GAB2: variants seen among roughly 807,000 people sequenced by gnomAD.
GAB2 encodes the protein GRB2-associated-binding protein 2.
A neutral mutation model predicts 65.5 loss-of-function variants in GAB2; 26 were observed. That is an observed-to-expected ratio of 0.40 (90% CI 0.29 to 0.55). GAB2 has a LOEUF of 0.55. Among genes scored for constraint, GAB2 ranks in the 20% least tolerant of loss-of-function variants. GAB2 has a pLI of 0.53. For missense variants in GAB2, 884 were observed against 875.8 expected, an observed-to-expected ratio of 1.01 and a Z score of -0.12; for synonymous variants, 321 against 329.6, an observed-to-expected ratio of 0.97 and a Z score of 0.28.
intron 1 of GAB2, among the ~76,000 whole-genome samples, chr11:78,357,118 A>C (rs758086999): frequency 1.7e-4 from 26 of 152,204 alleles, no homozygotes; most frequent in Non-Finnish European, 3.2e-4. Flanking sequence ...ATTTAATGCC[A>C]CTGAATTGTT....
chr11:78,358,472 A>AATAATT (rs1160936998), intron 1 of GAB2, among the ~76,000 whole-genome samples: 1 of 142,930 alleles, frequency 7.0e-6, no homozygotes, highest in Non-Finnish European at 1.5e-5. Flanking sequence ...TAATAATAAT[A>AATAATT]ATAAAGTGAC....
chr11:78,372,112 C>T (rs1402247388), intron 1 of GAB2, among the ~76,000 whole-genome samples: 2 of 152,188 alleles, frequency 1.3e-5, no homozygotes, highest in Non-Finnish European at 2.9e-5. Context: ...TAAAAGGTAT[C>T]TGCTTTTTTT....
intron 1 of GAB2, among the ~76,000 whole-genome samples, chr11:78,375,415 T>C (rs1420372069): frequency 2.6e-5 from 4 of 152,184 alleles, no homozygotes; most frequent in African/African-American, 7.2e-5. Flanking sequence ...CTCTTCCTGA[T>C]ATAAAATGTC....
At position 78,222,304 on chromosome 11, in the gene GAB2, C is replaced by T. The variant is rs955624823; in HGVS notation, c.1568-109G>A. ...TTTATAAAGGCCTGCAAAGTCATTCCAGTTTCACACAGGGAAACTGACGCT... is the reference window on the plus strand; with the variant it reads ...TTTATAAAGGCCTGCAAAGTCATTCTAGTTTCACACAGGGAAACTGACGCT... On this transcript the variant is annotated intron_variant, in intron 6 of 9. Coordinates refer to ENST00000361507, the MANE Select transcript of GAB2 (RefSeq NM_080491.3). The T allele has an allele frequency of 3.4e-5, 24 of 716,324 alleles. No individual in the cohort carries two copies. The Admixed American group carries it at 3.7e-4, about 11-fold the overall frequency. The allele number at this position is 716,324 out of a possible 1,614,324, so 44.4% of individuals were successfully genotyped here. A position where few individuals can be genotyped will look rare whatever the true frequency, so the allele number is the denominator to read the frequency against.
At chr11:78,312,217 G>T (rs1462262533) in intron 1 of GAB2, among the ~76,000 whole-genome samples, 4 of 150,578 alleles carry the variant, frequency 2.7e-5, no homozygotes, top group Non-Finnish European at 5.9e-5. Context: ...TTTCCCTACA[G>T]TTCTTCAATA....
rs1021404174 is a variant in GAB2 at position 78,409,747 on chromosome 11, T to G, written c.75+7899A>C. ...AATCAGCAAGGATATAAAAGAATTATATATATCACTATCAATCAAAAAGAT... is the reference window on the plus strand; with the variant it reads ...AATCAGCAAGGATATAAAAGAATTAGATATATCACTATCAATCAAAAAGAT... On this transcript the variant is annotated intron_variant, in intron 1 of 9. Transcript: ENST00000361507. Among the ~76,000 whole-genome samples the G allele has an allele frequency of 1.3e-5, 2 of 152,292 alleles. 1 individual carries two copies. Among genetic ancestry groups the G allele is most frequent in the South Asian group, 4.1e-4 (2 of 4,832 alleles).
intron 2 of GAB2, among the ~76,000 whole-genome samples, chr11:78,262,974 C>G (rs1032163920): frequency 1.3e-5 from 2 of 152,230 alleles, no homozygotes; most frequent in Non-Finnish European, 2.9e-5. Flanking sequence ...TATACTACAA[C>G]AGCAAAGCTG....
chr11:78,366,104 T>C (rs1034132083), intron 1 of GAB2, among the ~76,000 whole-genome samples: 1 of 152,168 alleles, frequency 6.6e-6, no homozygotes, highest in African/African-American at 2.4e-5. Flanking sequence ...CTAATACAAC[T>C]CCTAACACAA....
intron 1 of GAB2, among the ~76,000 whole-genome samples, chr11:78,304,602 A>T (rs1482051324): frequency 6.6e-6 from 1 of 152,206 alleles, no homozygotes; most frequent in Admixed American, 6.5e-5. Context: ...GTGCTTTTCA[A>T]CCAGTGATGA....
At chr11:78,385,157 A>G (rs1856750457) in intron 1 of GAB2, among the ~76,000 whole-genome samples, 1 of 152,252 alleles carries the variant, frequency 6.6e-6, no homozygotes, top group South Asian at 2.1e-4. Flanking sequence ...AAAACAAAGG[A>G]CAGGGAAAAT....
intron 1 of GAB2, among the ~76,000 whole-genome samples, chr11:78,332,654 G>A (rs544061635): frequency 1.3e-5 from 2 of 152,294 alleles, no homozygotes; most frequent in South Asian, 2.1e-4. Context: ...GGTAGCAATG[G>A]CATGCAGGAA....
intron 1 of GAB2, among the ~76,000 whole-genome samples, chr11:78,299,274 C>T (rs1311752370): frequency 6.6e-6 from 1 of 152,154 alleles, no homozygotes; most frequent in Admixed American, 6.6e-5. Context: ...TAAACACTTT[C>T]CTGCTCTGGG....
chr11:78,325,324 G>C (rs761775441), intron 1 of GAB2, among the ~76,000 whole-genome samples: 2 of 152,120 alleles, frequency 1.3e-5, no homozygotes, highest in Non-Finnish European at 2.9e-5. Context: ...TAACCATCAG[G>C]CCAATGCTCT....
At chr11:78,329,822 C>T (rs1377106912) in intron 1 of GAB2, among the ~76,000 whole-genome samples, 10 of 152,278 alleles carry the variant, frequency 6.6e-5, no homozygotes, top group Non-Finnish European at 1.3e-4. Context: ...TTGGTATGTA[C>T]GATAGGTTGG....
At chr11:78,230,763 G>C (rs144885245) in intron 3 of GAB2, among the ~76,000 whole-genome samples, 9 of 152,378 alleles carry the variant, frequency 5.9e-5, no homozygotes, top group Admixed American at 2.0e-4. Context: ...CAGGGAATTT[G>C]TTCTAGCAGC....
At chr11:78,294,954 C>A (rs984407651) in intron 1 of GAB2, among the ~76,000 whole-genome samples, 1 of 152,066 alleles carries the variant, frequency 6.6e-6, no homozygotes, top group Admixed American at 6.6e-5. Flanking sequence ...GAACAGGCAA[C>A]CTACAGAATG....
chr11:78,284,180 C>G (rs1565142010), intron 1 of GAB2, among the ~76,000 whole-genome samples: 1 of 152,154 alleles, frequency 6.6e-6, no homozygotes, highest in South Asian at 2.1e-4. Context: ...ACATCTAACC[C>G]AAAAGCAAAT....
intron 1 of GAB2, among the ~76,000 whole-genome samples, chr11:78,336,870 T>C (rs1484954392): frequency 3.3e-5 from 5 of 152,220 alleles, no homozygotes; most frequent in African/African-American, 1.2e-4. Flanking sequence ...AACCAAAGAA[T>C]TGAATTAATG....
At chr11:78,301,033 G>A (rs537673211) in intron 1 of GAB2, among the ~76,000 whole-genome samples, 34 of 152,154 alleles carry the variant, frequency 2.2e-4, no homozygotes, top group African/African-American at 7.9e-4. Flanking sequence ...GATGATTAAC[G>A]ATGGTAAGCA....
Sources: allele counts gnomAD v4.1 joint callset (sites outside exome capture counted in the v4.1 genomes callset), GRCh38; gene constraint gnomAD v4.1.1; transcripts MANE v1.5; gene names NCBI Gene and HGNC (gene_info 2026-07-23, HGNC 2026-07-21).